PPP2R3A: variants seen among roughly 807,000 people sequenced by gnomAD.
PPP2R3A encodes the protein serine/threonine-protein phosphatase 2A regulatory subunit B'' subunit alpha.
PPP2R3A carries 80 observed loss-of-function variants against 106.9 expected under a neutral mutation model. The ratio of observed to expected loss-of-function variants is 0.75; its 90% CI spans 0.62 to 0.90. PPP2R3A has a LOEUF of 0.90. PPP2R3A is among the 40% of genes least tolerant of loss of function. The pLI, the probability that PPP2R3A is intolerant of heterozygous loss-of-function variation, is 0.00. For missense variants in PPP2R3A, 1,386 were observed against 1,350.4 expected, an observed-to-expected ratio of 1.03 and a Z score of -0.41; for synonymous variants, 483 against 468.3, an observed-to-expected ratio of 1.03 and a Z score of -0.41.
chr3:136,101,567 G>C (rs1463640586), intron 10 of PPP2R3A, among the ~76,000 whole-genome samples: 1 of 152,094 alleles, frequency 6.6e-6, no homozygotes, highest in African/African-American at 2.4e-5. Context: ...TGAGATTACA[G>C]GCATGCACCA....
Position 136,002,533 on chromosome 3 carries a change from T to C in PPP2R3A, c.1035T>C (p.Ser345=), listed in dbSNP as rs1933672682. 4 of 1,614,114 alleles carry C rather than the reference T, an allele frequency of 2.5e-6. No homozygotes were observed. The highest frequency in any genetic ancestry group is 3.4e-6 in the Non-Finnish European group (4 of 1,179,958). ...TTGTCCAGCTCTCAGCTTCTGACTC[T>C]GGACGATTTCAAACTATTGAATTGC... The part of the protein sequence containing the change: ...EDVVQLSASD[S]GRFQTIELQN... Residue 345 remains serine, a synonymous_variant, in exon 2 of 14, where the codon TCT becomes TCC. Coordinates refer to ENST00000264977, the MANE Select transcript of PPP2R3A (RefSeq NM_002718.5).
intron 3 of PPP2R3A, among the ~76,000 whole-genome samples, chr3:136,033,452 A>G (rs569337744): frequency 2.6e-5 from 4 of 152,280 alleles, no homozygotes; most frequent in East Asian, 1.9e-4. Context: ...AATAGTGTCA[A>G]TAGGATTGGT....
At chr3:136,085,810 G>C (rs1936912426) in intron 8 of PPP2R3A, among the ~76,000 whole-genome samples, 1 of 151,950 alleles carries the variant, frequency 6.6e-6, no homozygotes. Context: ...CATCAGGCAG[G>C]GGGCAGTGGC....
intron 5 of PPP2R3A, among the ~76,000 whole-genome samples, chr3:136,059,363 C>T (rs114896463): frequency 7.4e-4 from 112 of 151,902 alleles, no homozygotes; most frequent in African/African-American, 2.7e-3. Flanking sequence ...ATGTGGCCAA[C>T]GATCATATGA....
intron 2 of PPP2R3A, among the ~76,000 whole-genome samples, chr3:136,018,073 C>G (rs1419537714): frequency 6.6e-6 from 1 of 152,172 alleles, no homozygotes; most frequent in East Asian, 1.9e-4. Flanking sequence ...TCAGGACCAG[C>G]CTGGGCAACA....
intron 13 of PPP2R3A, among the ~76,000 whole-genome samples, chr3:136,121,453 G>A (rs924341625): frequency 8.5e-5 from 13 of 152,064 alleles, no homozygotes; most frequent in African/African-American, 3.1e-4. Flanking sequence ...ATAGGAGGAG[G>A]GTGATAGTCA....
chr3:136,028,146 G>C (rs1252663166), intron 3 of PPP2R3A, among the ~76,000 whole-genome samples: 21 of 152,148 alleles, frequency 1.4e-4, no homozygotes, highest in Admixed American at 1.3e-3. Context: ...TCCCTCCAGA[G>C]TGGGCTTCCC....
chr3:136,000,462 G>C (rs1318239237), intron 1 of PPP2R3A, among the ~76,000 whole-genome samples: 1 of 152,134 alleles, frequency 6.6e-6, no homozygotes, highest in Middle Eastern at 3.2e-3. Context: ...ATGGAGCAGG[G>C]TCTGGGAGAT....
intron 2 of PPP2R3A, among the ~76,000 whole-genome samples, chr3:136,018,175 G>A (rs73222214): frequency 0.012 from 1,757 of 152,320 alleles, 16 homozygotes; most frequent in Non-Finnish European, 0.019. Context: ...GCTGATGTGG[G>A]AGAATAGTTT....
At chr3:136,019,948 G>A (rs981507478) in intron 2 of PPP2R3A, among the ~76,000 whole-genome samples, 1 of 152,158 alleles carries the variant, frequency 6.6e-6, no homozygotes, top group Non-Finnish European at 1.5e-5. Context: ...TTTATAGGAA[G>A]TAAATGAAAT....
chr3:136,063,453 A>G (rs1322034577), intron 5 of PPP2R3A, among the ~76,000 whole-genome samples: 1 of 152,250 alleles, frequency 6.6e-6, no homozygotes, highest in Non-Finnish European at 1.5e-5. Flanking sequence ...GCTTCTGCAC[A>G]GCAAAAGAAA....
intron 1 of PPP2R3A, among the ~76,000 whole-genome samples, chr3:136,000,661 T>C (rs927255461): frequency 6.6e-6 from 1 of 152,110 alleles, no homozygotes; most frequent in African/African-American, 2.4e-5. Context: ...AATATGATTA[T>C]AGATGGATTG....
intron 13 of PPP2R3A, among the ~76,000 whole-genome samples, chr3:136,143,788 C>A (rs1001183750): frequency 6.6e-6 from 1 of 152,152 alleles, no homozygotes; most frequent in Non-Finnish European, 1.5e-5. Context: ...GAGACTCCAT[C>A]TCAAAAGAAA....
At chr3:136,123,517 T>C (rs1314352457) in intron 13 of PPP2R3A, among the ~76,000 whole-genome samples, 1 of 152,286 alleles carries the variant, frequency 6.6e-6, no homozygotes, top group East Asian at 1.9e-4. Flanking sequence ...GTGACAAAAT[T>C]CTGCATCACA....
rs543488054 is a variant in PPP2R3A, at chr3:136,146,984, ATTT to A, written c.*1827_*1829del. 2.0e-5 allele frequency: 3 copies of A among 148,272 alleles called. No individual in the cohort carries two copies. The South Asian group carries it at 6.4e-4, about 31-fold the overall frequency. 9.2% of individuals were successfully genotyped at this position (148,272 alleles called of 1,614,324 possible). On this transcript the variant is annotated 3_prime_UTR_variant, in exon 14 of 14. Coordinates refer to ENST00000264977, the MANE Select transcript of PPP2R3A (RefSeq NM_002718.5). ...GTAAAAATTCAATTTTACAATATACATTTTTTTTTTTAACTATTTGGCTTTACC... is the reference window on the plus strand; with the variant it reads ...GTAAAAATTCAATTTTACAATATACATTTTTTTTAACTATTTGGCTTTACC...
chr3:136,039,589 C>CAGA (rs1487516580), intron 3 of PPP2R3A, among the ~76,000 whole-genome samples: 10 of 152,012 alleles, frequency 6.6e-5, no homozygotes, highest in Admixed American at 5.9e-4. Context: ...AGGGTTCACT[C>CAGA]TCCTATAACA....
chr3:136,021,472 A>G (rs1336056246), intron 2 of PPP2R3A, among the ~76,000 whole-genome samples: 1 of 152,154 alleles, frequency 6.6e-6, no homozygotes, highest in African/African-American at 2.4e-5. Flanking sequence ...TGTATACATT[A>G]GAAAGAGTTG....
chr3:136,135,479 T>C (rs991856210), intron 13 of PPP2R3A, among the ~76,000 whole-genome samples: 4 of 152,094 alleles, frequency 2.6e-5, no homozygotes, highest in African/African-American at 7.2e-5. Context: ...ATCACAGATA[T>C]GTCAGGGAGA....
chr3:136,014,296 G>C (rs977657754), intron 2 of PPP2R3A, among the ~76,000 whole-genome samples: 4 of 152,048 alleles, frequency 2.6e-5, no homozygotes, highest in African/African-American at 9.7e-5. Flanking sequence ...CTTTGGCTAT[G>C]TGGGCTCTTT....
Sources: gnomAD v4.1 joint callset for allele counts (sites outside exome capture counted in the v4.1 genomes callset) on GRCh38, gnomAD v4.1.1 for gene constraint, MANE v1.5 for transcripts, NCBI Gene and HGNC (gene_info 2026-07-23, HGNC 2026-07-21) for gene names.